KSR2: variants seen among roughly 807,000 people sequenced by gnomAD.
KSR2 encodes kinase suppressor of ras 2.
KSR2 carries 25 observed loss-of-function variants against 107.8 expected under a neutral mutation model. That is an observed-to-expected ratio of 0.23 (90% CI 0.17 to 0.32). The LOEUF (loss-of-function observed/expected upper bound fraction) is 0.32, where lower values mean the gene tolerates loss of function less well. Among genes scored for constraint, KSR2 ranks in the 10% least tolerant of loss-of-function variants. The pLI, the probability that KSR2 is intolerant of heterozygous loss-of-function variation, is 1.00. For missense variants in KSR2, 887 were observed against 1,268.9 expected, an observed-to-expected ratio of 0.70 and a Z score of 4.57; for synonymous variants, 480 against 507.0, an observed-to-expected ratio of 0.95 and a Z score of 0.71.
chr12:117,643,409 T>C (rs1163056076), intron 5 of KSR2, among the ~76,000 whole-genome samples: 1 of 152,214 alleles, frequency 6.6e-6, no homozygotes, highest in Non-Finnish European at 1.5e-5. Flanking sequence ...ATTGTGCCAC[T>C]GCACTCTAGC....
At chr12:117,939,944 AAC>A (rs10561468) in intron 1 of KSR2, among the ~76,000 whole-genome samples, 15,829 of 139,874 alleles carry the variant, frequency 0.11, 1,004 homozygotes, top group East Asian at 0.3. Flanking sequence ...CCATCTTAAA[AAC>A]ACACACACAC....
intron 14 of KSR2, 92 bp from the exon 15 acceptor site, chr12:117,485,783 A>C: frequency 1.5e-5 from 12 of 825,410 alleles, no homozygotes; most frequent in Non-Finnish European, 2.3e-5. Flanking sequence ...GATGGCATAG[A>C]CACGTGGACA....
intron 1 of KSR2, among the ~76,000 whole-genome samples, chr12:117,924,698 A>G (rs1895456765): frequency 6.6e-6 from 1 of 152,290 alleles, no homozygotes; most frequent in Non-Finnish European, 1.5e-5. Flanking sequence ...CGTTTCTTCA[A>G]CAAATAAGTA....
intron 4 of KSR2, among the ~76,000 whole-genome samples, chr12:117,683,955 A>G (rs956196591): frequency 3.3e-5 from 5 of 152,244 alleles, no homozygotes; most frequent in African/African-American, 4.8e-5. Context: ...CGATAAAGCT[A>G]TTTACAAAAA....
chr12:117,951,403 C>A (rs1896361052), intron 1 of KSR2, among the ~76,000 whole-genome samples: 1 of 152,112 alleles, frequency 6.6e-6, no homozygotes, highest in African/African-American at 2.4e-5. Flanking sequence ...CCATAAGTAC[C>A]CACTTAACAA....
chr12:117,604,499 G>A (rs12308267), intron 5 of KSR2, among the ~76,000 whole-genome samples: 21,569 of 152,080 alleles, frequency 0.14, 1,735 homozygotes, highest in Non-Finnish European at 0.18. Flanking sequence ...TTTTCCACAC[G>A]GTTTGCTACT....
At chr12:117,630,795 T>C (rs1322480197) in intron 5 of KSR2, among the ~76,000 whole-genome samples, 1 of 151,942 alleles carries the variant, frequency 6.6e-6, no homozygotes. Flanking sequence ...TTGGGACCAA[T>C]GAGTGGTACC....
intron 1 of KSR2, among the ~76,000 whole-genome samples, chr12:117,927,774 T>C (rs950187594): frequency 5.3e-5 from 8 of 152,206 alleles, no homozygotes; most frequent in Non-Finnish European, 7.3e-5. Flanking sequence ...CATCAATGTG[T>C]ACTCGTATAA....
intron 1 of KSR2, among the ~76,000 whole-genome samples, chr12:117,956,640 G>A (rs1896527119): frequency 6.7e-6 from 1 of 149,688 alleles, no homozygotes; most frequent in Admixed American, 6.7e-5. Flanking sequence ...CATACTAAGA[G>A]TTTGGACTGG....
rs181298666 is a variant in KSR2, at chr12:117,837,200, C to T, written c.472+18228G>A. On this transcript the variant is annotated intron_variant, in intron 3 of 19. Coordinates refer to ENST00000339824, the MANE Select transcript of KSR2 (RefSeq NM_173598.6). The stretch of plus-strand genomic sequence containing the variant: ...CTCCCCTGGCTTCCAGCCTGCCTGC[C>T]GAGAAAGCTCGGTCTGTGAAACAGA... 3.6e-3 allele frequency among the ~76,000 whole-genome samples: 548 copies of T among 152,214 alleles called. 3 individuals carry two copies. Among genetic ancestry groups the T allele is most frequent in the Middle Eastern group, 0.024 (7 of 294 alleles).
rs1233916729 is a variant in KSR2, at chr12:117,924,511, G to T, written c.180+43565C>A. 2.8e-5 allele frequency among the ~76,000 whole-genome samples: 4 copies of T among 143,152 alleles called. No individual in the cohort carries two copies. In the South Asian group the frequency reaches 9.3e-4, roughly 33 times the overall value. 93.9% of individuals were successfully genotyped at this position (143,152 alleles called of 152,430 possible). On this transcript the variant is annotated intron_variant, in intron 1 of 19. Coordinates refer to ENST00000339824, the MANE Select transcript of KSR2 (RefSeq NM_173598.6). Reference sequence around the variant, plus strand: ...CACTTGAACCCGGGAAGCAGAGGTTGCAGTGAGCTGAGATCGTGTCATTGC... The same window carrying T: ...CACTTGAACCCGGGAAGCAGAGGTTTCAGTGAGCTGAGATCGTGTCATTGC...
chr12:117,564,278 T>G (rs182822238), intron 7 of KSR2, among the ~76,000 whole-genome samples: 86 of 152,304 alleles, frequency 5.6e-4, no homozygotes, highest in Non-Finnish European at 1.0e-3. Context: ...AGGTCCTATA[T>G]GGTTCCAGAA....
At chr12:117,829,817 T>A (rs1197384919) in intron 3 of KSR2, among the ~76,000 whole-genome samples, 1 of 152,244 alleles carries the variant, frequency 6.6e-6, no homozygotes, top group Non-Finnish European at 1.5e-5. Context: ...CCACTCTAGT[T>A]CACTGGCTCC....
intron 3 of KSR2, among the ~76,000 whole-genome samples, chr12:117,770,992 A>AAAAAG (rs1346312524): frequency 6.6e-6 from 1 of 151,932 alleles, no homozygotes; most frequent in Non-Finnish European, 1.5e-5. Context: ...AAAAAAAAAA[A>AAAAAG]AAAAGACAGT....
intron 5 of KSR2, among the ~76,000 whole-genome samples, chr12:117,616,099 G>T (rs1386213344): frequency 6.7e-6 from 1 of 149,856 alleles, no homozygotes; most frequent in African/African-American, 2.5e-5. Context: ...TGAGGCTGCA[G>T]TGAGCCATAA....
At position 117,968,374 on chromosome 12, in the gene KSR2, TGAA is replaced by T. The variant is rs1416909409; in HGVS notation, c.-122_-120del. 2 of 1,384,744 alleles carry T rather than the reference TGAA, an allele frequency of 1.4e-6. No individual in the cohort carries two copies. Among genetic ancestry groups the T allele is most frequent in the East Asian group, 2.8e-5 (1 of 36,108 alleles). 85.8% of individuals were successfully genotyped at this position (1,384,744 alleles called of 1,614,324 possible). On this transcript the variant is annotated 5_prime_UTR_variant, in exon 1 of 20. Transcript: ENST00000339824. ...ACTGCGACTTCTCAACAATGTCTCA[TGAA>T]GAAGAAATCCAACATCTCACACAGG... is the stretch of plus-strand genomic sequence containing the variant.
At chr12:117,844,275 G>A (rs1892614090) in intron 3 of KSR2, among the ~76,000 whole-genome samples, 1 of 152,030 alleles carries the variant, frequency 6.6e-6, no homozygotes, top group African/African-American at 2.4e-5. Flanking sequence ...TCAAGCCCCA[G>A]ATGACTGCAG....
At chr12:117,869,264 C>T (rs1451994553) in intron 1 of KSR2, among the ~76,000 whole-genome samples, 1 of 152,030 alleles carries the variant, frequency 6.6e-6, no homozygotes, top group East Asian at 2.0e-4. Flanking sequence ...CCCAGCTACT[C>T]AGGAGCCTGA....
At chr12:117,860,705 C>T (rs371174644) in intron 1 of KSR2, among the ~76,000 whole-genome samples, 27 of 152,154 alleles carry the variant, frequency 1.8e-4, no homozygotes, top group African/African-American at 5.8e-4. Flanking sequence ...CAATTGCACA[C>T]ATCTTTTTCT....
Sources: gnomAD v4.1 joint callset for allele counts (sites outside exome capture counted in the v4.1 genomes callset) on GRCh38, gnomAD v4.1.1 for gene constraint, MANE v1.5 for transcripts, NCBI Gene and HGNC (gene_info 2026-07-23, HGNC 2026-07-21) for gene names.